The following ABLIM2 variants were observed in gnomAD, a reference collection of about 807,000 sequenced individuals.
The protein encoded by ABLIM2 is actin-binding LIM protein 2.
Under a neutral mutation model 97.7 loss-of-function variants are expected in ABLIM2, and 53 were observed. The ratio of observed to expected loss-of-function variants is 0.54; its 90% CI spans 0.44 to 0.68. The LOEUF (loss-of-function observed/expected upper bound fraction) is 0.68. Ranked by LOEUF, ABLIM2 falls within the 30% of genes least tolerant of loss-of-function variation. The pLI is 0.00. For missense variants in ABLIM2, 835 were observed against 867.2 expected, an observed-to-expected ratio of 0.96 and a Z score of 0.47; for synonymous variants, 361 against 345.8, an observed-to-expected ratio of 1.04 and a Z score of -0.49.
intron 20 of ABLIM2, among the ~76,000 whole-genome samples, 162 bp from the exon 21 acceptor site, chr4:7,967,265 C>T (rs1723633249): frequency 6.6e-6 from 1 of 152,312 alleles, no homozygotes; most frequent in South Asian, 2.1e-4. Context: ...ACCCTCTCTG[C>T]AGTGAAAGAA....
At position 8,019,968 on chromosome 4, in the gene ABLIM2, G is replaced by C. The variant is rs961724853; in HGVS notation, c.1369+234C>G. On this transcript the variant is annotated intron_variant, in intron 13 of 20. Transcript: ENST00000447017. This position sits in a 1 kb window ranked among gnomAD's most constrained non-coding sequence, Gnocchi z 4.3. Reference sequence around the variant, plus strand: ...TCACCCCATTCCCAGGAGGACAGGTGTATCTCCCTGCCGTTTGTGGGAATT... The same window carrying C: ...TCACCCCATTCCCAGGAGGACAGGTCTATCTCCCTGCCGTTTGTGGGAATT... Among the ~76,000 whole-genome samples the C allele has an allele frequency of 1.7e-4, 26 of 152,282 alleles. No individual in the cohort carries two copies. The highest frequency in any genetic ancestry group is 5.5e-4 in the African/African-American group (23 of 41,546).
Position 8,044,206 on chromosome 4 carries a change from A to G in ABLIM2, c.900+958T>C, listed in dbSNP as rs1790628283. Among the ~76,000 whole-genome samples, 1 of 152,192 alleles carries G rather than the reference A, an allele frequency of 6.6e-6. No homozygotes were observed. Among genetic ancestry groups the G allele is most frequent in the Admixed American group, 6.5e-5 (1 of 15,288 alleles). On this transcript the variant is annotated intron_variant, in intron 9 of 20. Coordinates refer to ENST00000447017, the MANE Select transcript of ABLIM2 (RefSeq NM_001130083.2). The surrounding 1 kb of genome is among the most constrained non-coding windows in gnomAD (Gnocchi z 4.4). ...GGATCCAGCCTCCGCTGAGGCATGA[A>G]GAACCCAGGTCCTGGCCTGGCGGGG...
At chr4:8,118,650 T>C (rs1480311663) in intron 1 of ABLIM2, among the ~76,000 whole-genome samples, 2 of 152,026 alleles carry the variant, frequency 1.3e-5, no homozygotes, top group East Asian at 1.9e-4. Context: ...CCTGGTTGCC[T>C]GACTTCCTCA....
chr4:8,128,512 C>T lies in ABLIM2; in HGVS notation c.11-21875G>A, dbSNP rs991194398. On this transcript the variant is annotated intron_variant, in intron 1 of 20. Coordinates refer to ENST00000447017, the MANE Select transcript of ABLIM2 (RefSeq NM_001130083.2). The surrounding 1 kb of genome is among the most constrained non-coding windows in gnomAD (Gnocchi z 4.9). The stretch of plus-strand genomic sequence containing the variant: ...TTTTAGATTTTATTTAATTTTAATT[C>T]AACCAGGGGACCTGCTGGTTACCAG... Among the ~76,000 whole-genome samples, 3 of 152,210 alleles carry T rather than the reference C, an allele frequency of 2.0e-5. No individual in the cohort carries two copies. Among genetic ancestry groups the T allele is most frequent in the Non-Finnish European group, 4.4e-5 (3 of 68,046 alleles).
chr4:8,108,170 C>CA (rs1247842357), intron 1 of ABLIM2, among the ~76,000 whole-genome samples: 1 of 152,234 alleles, frequency 6.6e-6, no homozygotes, highest in African/African-American at 2.4e-5. Flanking sequence ...GTCAACCTGT[C>CA]AGATAGGTGG....
rs947707877 is a variant in ABLIM2 at position 8,088,199 on chromosome 4, T to C, written c.424A>G (p.Ser142Gly). ...AGGCCCTGGGACAGGTGCGCGCTGC[T>C]GCCCACCGATACGGGCAGGGAACAC... ...QKCSLPVSVG[S>G]SAHLSQGLRS... Residue 142 changes from serine (S) to glycine (G), a missense_variant, in exon 4 of 21, where the codon AGC (serine) becomes GGC (glycine). Transcript: ENST00000447017. 1 of 1,600,338 alleles carries C rather than the reference T, an allele frequency of 6.2e-7. No homozygotes were observed. The highest frequency in any genetic ancestry group is 8.5e-7 in the Non-Finnish European group (1 of 1,172,814).
chr4:8,053,275 A>C (rs1179034002), intron 8 of ABLIM2, among the ~76,000 whole-genome samples: 1 of 152,190 alleles, frequency 6.6e-6, no homozygotes, highest in Non-Finnish European at 1.5e-5. Flanking sequence ...GCTTTGAGTC[A>C]TCCTGCCTTT....
intron 10 of ABLIM2, among the ~76,000 whole-genome samples, chr4:8,035,840 G>A (rs906860769): frequency 6.6e-6 from 1 of 152,226 alleles, no homozygotes; most frequent in East Asian, 1.9e-4. Flanking sequence ...AGAAAATTAG[G>A]AGATTTTCAC....
intron 2 of ABLIM2, among the ~76,000 whole-genome samples, chr4:8,103,228 G>C (rs185993229): frequency 6.6e-6 from 1 of 152,292 alleles, no homozygotes; most frequent in East Asian, 1.9e-4. Context: ...ATATTTATGA[G>C]TTGGGTCTTC....
At position 8,128,973 on chromosome 4, in the gene ABLIM2, C is replaced by T. The variant is rs1242703480; in HGVS notation, c.11-22336G>A. 6.6e-6 allele frequency among the ~76,000 whole-genome samples: 1 copy of T among 152,094 alleles called. No individual in the cohort carries two copies. The highest frequency in any genetic ancestry group is 6.5e-5 in the Admixed American group (1 of 15,278). ...ATAAATGTCTATTATTCAGAAGCCA[C>T]CAGTCTATGAGGCTTCGTTGAGCTG... On this transcript the variant is annotated intron_variant, in intron 1 of 20. Coordinates refer to ENST00000447017, the MANE Select transcript of ABLIM2 (RefSeq NM_001130083.2). This position sits in a 1 kb window ranked among gnomAD's most constrained non-coding sequence, Gnocchi z 4.9.
rs1323633694 is a variant in ABLIM2, at chr4:7,966,823, G to C, written c.*167C>G. 3.4e-6 allele frequency: 2 copies of C among 587,638 alleles called. No individual in the cohort carries two copies. Among genetic ancestry groups the C allele is most frequent in the African/African-American group, 1.9e-5 (1 of 53,672 alleles). The allele number at this position is 587,638 out of a possible 1,614,324, so 36.4% of individuals were successfully genotyped here. The stretch of plus-strand genomic sequence containing the variant: ...TCTCGGCCCTAAACTACCGGCAGGA[G>C]TGTCGCCGGCAGGTGCAGGGGCCGC... On this transcript the variant is annotated 3_prime_UTR_variant, in exon 21 of 21. Transcript: ENST00000447017.
chr4:7,976,512 C>A (rs1577678802), intron 20 of ABLIM2, among the ~76,000 whole-genome samples: 2 of 152,184 alleles, frequency 1.3e-5, no homozygotes, highest in African/African-American at 4.8e-5. Flanking sequence ...AATCCAGGGC[C>A]CTGCAGGGCC....
At chr4:8,154,282 T>TG (rs1491223956) in intron 1 of ABLIM2, among the ~76,000 whole-genome samples, 1 of 34,812 alleles carries the variant, frequency 2.9e-5, no homozygotes, top group African/African-American at 5.7e-5. Flanking sequence ...TTTTCTTTTC[T>TG]TTTTTTTTTT....
chr4:8,112,352 C>A lies in ABLIM2; in HGVS notation c.11-5715G>T, dbSNP rs1239309943. 1.3e-5 allele frequency among the ~76,000 whole-genome samples: 2 copies of A among 152,236 alleles called. No individual in the cohort carries two copies. The highest frequency in any genetic ancestry group is 2.9e-5 in the Non-Finnish European group (2 of 68,044). On this transcript the variant is annotated intron_variant, in intron 1 of 20. Transcript: ENST00000447017. This position sits in a 1 kb window ranked among gnomAD's most constrained non-coding sequence, Gnocchi z 4.2. ...ACCTTGGTGAATGGATTTAACTCTG[C>A]AAAGCCTCAGTTTTCACATCTGTAA...
intron 14 of ABLIM2, among the ~76,000 whole-genome samples, chr4:8,013,606 G>A (rs565705247): frequency 1.4e-4 from 22 of 152,320 alleles, no homozygotes; most frequent in African/African-American, 4.3e-4. Context: ...ACCGAGGTCC[G>A]GAGTCTAAGG....
intron 19 of ABLIM2, 85 bp from the exon 20 acceptor site, chr4:7,983,429 A>G (rs1740579408): frequency 6.3e-7 from 1 of 1,577,798 alleles, no homozygotes; most frequent in Non-Finnish European, 8.6e-7. Flanking sequence ...CACCGAGAAT[A>G]CATACTTGCG....
At chr4:8,018,380 G>T (rs963677697) in intron 14 of ABLIM2, among the ~76,000 whole-genome samples, 23 of 152,294 alleles carry the variant, frequency 1.5e-4, no homozygotes, top group African/African-American at 5.5e-4. Context: ...CCAGGCCTCA[G>T]TTTCCCCACT....
intron 10 of ABLIM2, among the ~76,000 whole-genome samples, chr4:8,030,682 C>T (rs569742418): frequency 1.2e-4 from 19 of 152,340 alleles, no homozygotes; most frequent in Admixed American, 2.6e-4. Context: ...CAGCCCGGGG[C>T]GCACTCTCTC....
At chr4:8,007,835 C>A (rs1198763406) in intron 16 of ABLIM2, 1 of 1,342,844 alleles carries the variant, frequency 7.4e-7, no homozygotes, top group Non-Finnish European at 9.5e-7. Flanking sequence ...GACATGCAGG[C>A]GTGGCCCTCG....
Sources: allele counts gnomAD v4.1 joint callset (sites outside exome capture counted in the v4.1 genomes callset), GRCh38; gene constraint gnomAD v4.1.1; non-coding constraint Gnocchi (gnomAD v3.1); transcripts MANE v1.5; gene names NCBI Gene and HGNC (gene_info 2026-07-23, HGNC 2026-07-21).